Variants in ZNF566 observed in about 807,000 individuals in gnomAD.
ZNF566 encodes zinc finger protein 566.
In ZNF566, 27 loss-of-function variants were observed where a neutral mutation model predicts 32.8. The observed-to-expected ratio is 0.82, with a 90% CI of 0.61 to 1.14. The LOEUF (loss-of-function observed/expected upper bound fraction) is 1.14. ZNF566 is among the 50% of genes most tolerant of loss of function. ZNF566 has a pLI of 0.00. For synonymous variants in ZNF566, 154 were observed against 159.5 expected, an observed-to-expected ratio of 0.97 and a Z score of 0.26; for missense variants, 402 against 490.4, an observed-to-expected ratio of 0.82 and a Z score of 1.70.
intron 4 of ZNF566, among the ~76,000 whole-genome samples, chr19:36,467,518 C>T (rs374931595): frequency 2.7e-5 from 4 of 148,532 alleles, no homozygotes; most frequent in African/African-American, 5.0e-5. Context: ...AAAATGTGGC[C>T]GGGCACGGTG....
chr19:36,460,165 G>A (rs1196227031), intron 4 of ZNF566, among the ~76,000 whole-genome samples: 1 of 151,974 alleles, frequency 6.6e-6, no homozygotes, highest in Non-Finnish European at 1.5e-5. Flanking sequence ...AATGCCTTAG[G>A]ATACCATCCA....
chr19:36,489,197 C>T (rs2034248024), intron 1 of ZNF566, among the ~76,000 whole-genome samples: 4 of 152,170 alleles, frequency 2.6e-5, no homozygotes, highest in Non-Finnish European at 5.9e-5. Context: ...AACGCAGTAA[C>T]ACTCAACCAG....
intron 1 of ZNF566, among the ~76,000 whole-genome samples, chr19:36,487,089 C>CAAAA (rs930555456): frequency 1.7e-4 from 8 of 46,750 alleles, no homozygotes; most frequent in Admixed American, 2.4e-4. Context: ...GACTCCGTCT[C>CAAAA]AAAAAAAAAA....
chr19:36,459,735 C>A (rs1310802420), intron 4 of ZNF566, among the ~76,000 whole-genome samples: 1 of 150,568 alleles, frequency 6.6e-6, no homozygotes, highest in Non-Finnish European at 1.5e-5. Flanking sequence ...TGGTCTCGAA[C>A]CCCAACCTCA....
rs1179006485 is a variant in ZNF566, at chr19:36,446,967, G to C, written c.*2010C>G. On this transcript the variant is annotated 3_prime_UTR_variant, in exon 5 of 5. Coordinates refer to ENST00000452939, the MANE Select transcript of ZNF566 (RefSeq NM_001145344.1). ...CTTGCTGAGCATGTTTTGAGCACAGGGAAGGCCCATTTCAAAACACTAACT... is the reference window on the plus strand; with the variant it reads ...CTTGCTGAGCATGTTTTGAGCACAGCGAAGGCCCATTTCAAAACACTAACT... The C allele has an allele frequency of 6.6e-6, 1 of 151,994 alleles. No individual in the cohort carries two copies. Among genetic ancestry groups the C allele is most frequent in the Non-Finnish European group, 1.5e-5 (1 of 68,052 alleles). The allele number at this position is 151,994 out of a possible 1,614,324, so 9.4% of individuals were successfully genotyped here. A position where few individuals can be genotyped will look rare whatever the true frequency, so the allele number is the denominator to read the frequency against.
intron 4 of ZNF566, among the ~76,000 whole-genome samples, chr19:36,462,998 TC>T (rs1163030179): frequency 1.5e-5 from 2 of 136,870 alleles, no homozygotes; most frequent in Non-Finnish European, 3.2e-5. Context: ...AAATCCCATT[TC>T]CTGTGCCTTC....
chr19:36,457,817 G>A (rs1287499136), intron 4 of ZNF566, among the ~76,000 whole-genome samples: 6 of 152,188 alleles, frequency 3.9e-5, no homozygotes, highest in Non-Finnish European at 8.8e-5. Flanking sequence ...CTTGAACCCC[G>A]GAGGCGGAGG....
At chr19:36,469,043 G>C (rs2033695967) in intron 4 of ZNF566, among the ~76,000 whole-genome samples, 1 of 151,632 alleles carries the variant, frequency 6.6e-6, no homozygotes, top group South Asian at 2.1e-4. Context: ...AAATGAACAA[G>C]GTAATTATCA....
At chr19:36,467,239 T>A (rs966218845) in intron 4 of ZNF566, among the ~76,000 whole-genome samples, 11 of 149,566 alleles carry the variant, frequency 7.4e-5, no homozygotes, top group African/African-American at 7.5e-5. Flanking sequence ...TTTGAGACCA[T>A]CCTGGCTAAC....
chr19:36,479,831 C>T (rs954268177), intron 1 of ZNF566, among the ~76,000 whole-genome samples: 20 of 150,326 alleles, frequency 1.3e-4, no homozygotes, highest in Non-Finnish European at 7.4e-5. Context: ...TGTTTGTTTG[C>T]GTGTTTGCTT....
intron 1 of ZNF566, among the ~76,000 whole-genome samples, chr19:36,478,614 T>C (rs1197494829): frequency 2.1e-5 from 2 of 96,076 alleles, no homozygotes. Flanking sequence ...CCCTCATTAA[T>C]GTAAAAAAAA....
chr19:36,477,526 G>GTTTTTTTTTTTTTTTTTTTT (rs767741591), intron 1 of ZNF566, among the ~76,000 whole-genome samples: 10 of 107,000 alleles, frequency 9.3e-5, no homozygotes, highest in African/African-American at 1.1e-4. Flanking sequence ...TTCTGTTTCT[G>GTTTTTTTTTTTTTTTTTTTT]TTTTTTTTTT....
intron 1 of ZNF566, 33 bp from the exon 2 acceptor site, chr19:36,476,649 CA>C (rs1239028621): frequency 1.3e-6 from 2 of 1,547,284 alleles, no homozygotes; most frequent in East Asian, 2.3e-5. Flanking sequence ...GATAAGACCC[CA>C]CTTTCCTCAC....
chr19:36,473,326 C>T lies in ZNF566; in HGVS notation c.136+6G>A. On this transcript the variant is annotated splice_donor_region_variant and intron_variant, in intron 3 of 4. Transcript: ENST00000452939. Reference sequence around the variant, plus strand: ...AATCTAAATTACTATGGACAGATGTCCTTACCCATTGAAACCAGGTTGCTG... The same window carrying T: ...AATCTAAATTACTATGGACAGATGTTCTTACCCATTGAAACCAGGTTGCTG... 3 of 1,613,966 alleles carry T rather than the reference C, an allele frequency of 1.9e-6. No homozygotes were observed. The South Asian group carries it at 3.3e-5, about 18-fold the overall frequency.
intron 4 of ZNF566, 69 bp downstream of exon 4, chr19:36,472,842 C>A: frequency 7.7e-7 from 1 of 1,295,308 alleles, no homozygotes; most frequent in Non-Finnish European, 1.1e-6. Context: ...GAGAGTTTCC[C>A]AGATAGCATC....
At chr19:36,474,804 T>C (rs2033845662) in intron 2 of ZNF566, among the ~76,000 whole-genome samples, 1 of 152,234 alleles carries the variant, frequency 6.6e-6, no homozygotes, top group Non-Finnish European at 1.5e-5. Context: ...ATAAGAAATA[T>C]TCCTTGTTAC....
intron 4 of ZNF566, among the ~76,000 whole-genome samples, chr19:36,472,268 A>G (rs950118875): frequency 3.3e-5 from 5 of 152,116 alleles, no homozygotes; most frequent in African/African-American, 1.2e-4. Context: ...ATCTCCCCCT[A>G]TGACTTCTAT....
intron 1 of ZNF566, among the ~76,000 whole-genome samples, chr19:36,487,864 T>G (rs2034206611): frequency 1.6e-5 from 2 of 125,348 alleles, no homozygotes; most frequent in South Asian, 5.2e-4. Flanking sequence ...ATCACTGCAC[T>G]CCAGCCTGGG....
In ZNF566 at chr19:36,450,101, T is replaced by G. The variant is rs763796722; in HGVS notation, c.233-100A>C. 2.4e-4 allele frequency: 230 copies of G among 941,076 alleles called. 2 individuals carry two copies. The highest frequency in any genetic ancestry group is 2.8e-4 in the Non-Finnish European group (182 of 638,704). 58.3% of individuals were successfully genotyped at this position (941,076 alleles called of 1,614,324 possible). A position where few individuals can be genotyped will look rare whatever the true frequency, so the allele number is the denominator to read the frequency against. On this transcript the variant is annotated intron_variant, in intron 4 of 4. Coordinates refer to ENST00000452939, the MANE Select transcript of ZNF566 (RefSeq NM_001145344.1). ...AATTTAACCGAATTTTTTTTACAAATGGATGAGGAAAAAAGAGAGTTAGAA... is the reference window on the plus strand; with the variant it reads ...AATTTAACCGAATTTTTTTTACAAAGGGATGAGGAAAAAAGAGAGTTAGAA...
Sources: gnomAD v4.1 joint callset for allele counts (sites outside exome capture counted in the v4.1 genomes callset) on GRCh38, gnomAD v4.1.1 for gene constraint, MANE v1.5 for transcripts, NCBI Gene and HGNC (gene_info 2026-07-23, HGNC 2026-07-21) for gene names.